Variants in TRIM35 observed in about 807,000 individuals in gnomAD.
TRIM35 encodes tripartite motif containing 35.
A neutral mutation model predicts 49.1 loss-of-function variants in TRIM35; 37 were observed. The observed-to-expected ratio is 0.75, with a 90% CI of 0.58 to 0.99. TRIM35 has a LOEUF of 0.99. Among genes scored for constraint, TRIM35 ranks in the 50% least tolerant of loss-of-function variants. The probability of loss-of-function intolerance (pLI) is 0.00; values close to 1 mark genes in which losing one functional copy is unlikely to be tolerated. For synonymous variants in TRIM35, 302 were observed against 289.3 expected (o/e 1.04, Z -0.45); for missense variants, 648 against 702.7 (o/e 0.92, Z 0.88).
chr8:27,287,613 C>G lies in TRIM35; in HGVS notation c.1419G>C (p.Gly473=). Residue 473 remains glycine, a synonymous_variant, in exon 6 of 6, where the codon GGG becomes GGC. Transcript: ENST00000305364. This position sits in a 1 kb window ranked among gnomAD's most constrained non-coding sequence, Gnocchi z 6.0. ...YFYLGGARGA[G]PPEPLRICPL... is the part of the protein sequence containing the mutation. The stretch of plus-strand genomic sequence containing the variant: ...GGCAGATGCGCAAAGGCTCTGGAGG[C>G]CCGGCGCCCCGTGCACCCCCCAGGT... The G allele has an allele frequency of 6.2e-7, 1 of 1,606,302 alleles. No individual in the cohort carries two copies. Among genetic ancestry groups the G allele is most frequent in the Non-Finnish European group, 8.5e-7 (1 of 1,176,294 alleles).
At chr8:27,289,946 C>G (rs887612108) in intron 4 of TRIM35, among the ~76,000 whole-genome samples, 1 of 152,210 alleles carries the variant, frequency 6.6e-6, no homozygotes, top group South Asian at 2.1e-4. Flanking sequence ...GAGAACAACA[C>G]TGCCCCAGAG....
In TRIM35 at chr8:27,298,569, GA is replaced by G; in HGVS notation, c.436-11del. ...TGTTCCTGCACTTGGCCTGACATGGGAATGAGAGAGAGGGAGGAAGACAGGT... is the reference window on the plus strand; with the variant it reads ...TGTTCCTGCACTTGGCCTGACATGGGATGAGAGAGAGGGAGGAAGACAGGT... On this transcript the variant is annotated splice_polypyrimidine_tract_variant and intron_variant, in intron 1 of 5. Coordinates refer to ENST00000305364, the MANE Select transcript of TRIM35 (RefSeq NM_171982.5). The G allele has an allele frequency of 1.2e-6, 2 of 1,612,290 alleles. No individual in the cohort carries two copies. Among genetic ancestry groups the G allele is most frequent in the Non-Finnish European group, 1.7e-6 (2 of 1,178,288 alleles).
At chr8:27,292,847 A>G (rs1802482673) in intron 3 of TRIM35, among the ~76,000 whole-genome samples, 1 of 152,190 alleles carries the variant, frequency 6.6e-6, no homozygotes, top group Admixed American at 6.5e-5. Flanking sequence ...TGTAAATTAT[A>G]TCTCAATAAA....
In TRIM35 at chr8:27,298,566, T is replaced by C. The variant is rs1563441909; in HGVS notation, c.436-7A>G. 4 of 1,613,386 alleles carry C rather than the reference T, an allele frequency of 2.5e-6. No homozygotes were observed. The highest frequency in any genetic ancestry group is 2.2e-5 in the East Asian group (1 of 44,878). The stretch of plus-strand genomic sequence containing the variant: ...CCATGTTCCTGCACTTGGCCTGACA[T>C]GGGAATGAGAGAGAGGGAGGAAGAC... On this transcript the variant is annotated splice_region_variant and splice_polypyrimidine_tract_variant and intron_variant, in intron 1 of 5. Transcript: ENST00000305364.
At chr8:27,309,353 T>C (rs536002757) in intron 1 of TRIM35, among the ~76,000 whole-genome samples, 1 of 152,306 alleles carries the variant, frequency 6.6e-6, no homozygotes, top group Non-Finnish European at 1.5e-5. Flanking sequence ...AGGAAAAGCA[T>C]TGACATGGAC....
rs1201689248 is a variant in TRIM35 at position 27,303,207 on chromosome 8, G to A, written c.436-4648C>T. On this transcript the variant is annotated intron_variant, in intron 1 of 5. Coordinates refer to ENST00000305364, the MANE Select transcript of TRIM35 (RefSeq NM_171982.5). ...ATTAAGCAACACAGAATTAGGTTTC[G>A]TTTTCTTATCCAGTCAGATCAACAT... is the stretch of plus-strand genomic sequence containing the variant. Among the ~76,000 whole-genome samples, 12 of 151,940 alleles carry A rather than the reference G, an allele frequency of 7.9e-5. No individual in the cohort carries two copies. In the East Asian group the frequency reaches 1.4e-3, roughly 17 times the overall value.
chr8:27,300,368 A>C (rs1157478683), intron 1 of TRIM35, among the ~76,000 whole-genome samples: 2 of 151,852 alleles, frequency 1.3e-5, no homozygotes, highest in Non-Finnish European at 2.9e-5. Context: ...TAAGGCACTA[A>C]GTTTTGGGCA....
intron 4 of TRIM35, 99 bp downstream of exon 4, chr8:27,290,057 C>G: frequency 7.2e-7 from 1 of 1,388,206 alleles, no homozygotes; most frequent in East Asian, 2.3e-5. Context: ...CTGGTGCACC[C>G]AGCTGGTTGT....
In TRIM35 at chr8:27,287,502, G is replaced by A. The variant is rs1563435438; in HGVS notation, c.*48C>T. The A allele has an allele frequency of 1.3e-6, 2 of 1,489,396 alleles. No homozygotes were observed. The highest frequency in any genetic ancestry group is 1.8e-6 in the Non-Finnish European group (2 of 1,116,280). The allele number at this position is 1,489,396 out of a possible 1,614,324, so 92.3% of individuals were successfully genotyped here. A position where few individuals can be genotyped will look rare whatever the true frequency, so the allele number is the denominator to read the frequency against. On this transcript the variant is annotated 3_prime_UTR_variant, in exon 6 of 6. Coordinates refer to ENST00000305364, the MANE Select transcript of TRIM35 (RefSeq NM_171982.5). The surrounding 1 kb of genome is among the most constrained non-coding windows in gnomAD (Gnocchi z 6.0). The stretch of plus-strand genomic sequence containing the variant: ...CAGTGTGGGCATTAGGAAGAGGGCA[G>A]AAAGAAAACAGTGCTGTGGCACAAG...
rs1200829919 is a variant in TRIM35, at chr8:27,287,679, G to A, written c.1353C>T (p.Tyr451=). 5 of 1,610,322 alleles carry A rather than the reference G, an allele frequency of 3.1e-6. No individual in the cohort carries two copies. In the Admixed American group the frequency reaches 8.4e-5, roughly 27 times the overall value. ...FYDAERHCHL[Y]TFHARFGEVR... Reference sequence around the variant, plus strand: ...CCTCCCCAAAGCGGGCGTGGAAGGTGTACAGGTGGCAGTGGCGCTCCGCGT... The same window carrying A: ...CCTCCCCAAAGCGGGCGTGGAAGGTATACAGGTGGCAGTGGCGCTCCGCGT... The change falls in exon 6 of 6, where the codon TAC becomes TAT. Residue 451 remains tyrosine (Y), a synonymous_variant. Coordinates refer to ENST00000305364, the MANE Select transcript of TRIM35 (RefSeq NM_171982.5). The surrounding 1 kb of genome is among the most constrained non-coding windows in gnomAD (Gnocchi z 6.0).
chr8:27,289,678 G>A (rs1375248312), intron 4 of TRIM35, among the ~76,000 whole-genome samples: 1 of 152,162 alleles, frequency 6.6e-6, no homozygotes, highest in South Asian at 2.1e-4. Flanking sequence ...CTGCCAGTGG[G>A]AAGTGAGCAC....
At chr8:27,295,687 A>G (rs940176898) in intron 2 of TRIM35, among the ~76,000 whole-genome samples, 2 of 152,210 alleles carry the variant, frequency 1.3e-5, no homozygotes, top group African/African-American at 4.8e-5. Flanking sequence ...GAATGGTTGT[A>G]TGGGTACTCA....
chr8:27,298,353 C>T, intron 2 of TRIM35, 111 bp downstream of exon 2: 1 of 990,012 alleles, frequency 1.0e-6, no homozygotes, highest in African/African-American at 1.6e-5. Context: ...AGGCAGCCGA[C>T]CTCTACCCAG....
intron 1 of TRIM35, among the ~76,000 whole-genome samples, chr8:27,310,382 C>T (rs1441901502): frequency 1.3e-5 from 2 of 152,198 alleles, no homozygotes; most frequent in Non-Finnish European, 2.9e-5. Flanking sequence ...TCTTAAGACT[C>T]CACACCCCTG....
At chr8:27,294,515 G>A (rs1295207984) in intron 2 of TRIM35, among the ~76,000 whole-genome samples, 1 of 152,208 alleles carries the variant, frequency 6.6e-6, no homozygotes, top group African/African-American at 2.4e-5. Flanking sequence ...CCTAATATTA[G>A]ATTGTTTTGA....
intron 1 of TRIM35, among the ~76,000 whole-genome samples, chr8:27,301,625 G>A (rs1161383190): frequency 1.3e-5 from 2 of 152,182 alleles, no homozygotes; most frequent in Admixed American, 1.3e-4. Flanking sequence ...AGTTAGAGGT[G>A]TAATGAATAT....
chr8:27,311,092 G>T lies in TRIM35; in HGVS notation c.144C>A (p.Cys48Ter), dbSNP rs1327558862. The T allele has an allele frequency of 6.3e-7, 1 of 1,597,798 alleles. No individual in the cohort carries two copies. The highest frequency in any genetic ancestry group is 2.3e-5 in the East Asian group (1 of 44,192). The change falls in exon 1 of 6, where the codon TGC becomes TGA. Residue 48 changes from cysteine to a stop codon, truncating the protein, a stop_gained. Transcript: ENST00000305364. LOFTEE classifies it high-confidence loss of function. The part of the protein sequence containing the change: ...HNFCRGCVSR[C>*]WEVQVSPTCP... ...AGGTGGGCGACACCTGCACCTCCCAGCAGCGGCTCACGCACCCGCGGCAGA... is the reference window on the plus strand; with the variant it reads ...AGGTGGGCGACACCTGCACCTCCCATCAGCGGCTCACGCACCCGCGGCAGA...
At chr8:27,289,307 G>A (rs1392877595) in intron 4 of TRIM35, 27 bp from the exon 5 acceptor site, 1 of 1,597,144 alleles carries the variant, frequency 6.3e-7, no homozygotes, top group East Asian at 2.2e-5. Context: ...GGTATGGTGG[G>A]CAGGGCCAGA....
At position 27,286,097 on chromosome 8, in the gene TRIM35, T is replaced by C. The variant is rs759157646; in HGVS notation, c.*1453A>G. 2 of 456,332 alleles carry C rather than the reference T, an allele frequency of 4.4e-6. No individual in the cohort carries two copies. The highest frequency in any genetic ancestry group is 3.1e-5 in the South Asian group (2 of 64,570). The allele number at this position is 456,332 out of a possible 1,614,324, so 28.3% of individuals were successfully genotyped here. A position where few individuals can be genotyped will look rare whatever the true frequency, so the allele number is the denominator to read the frequency against. On this transcript the variant is annotated 3_prime_UTR_variant, in exon 6 of 6. Coordinates refer to ENST00000305364, the MANE Select transcript of TRIM35 (RefSeq NM_171982.5). Reference sequence around the variant, plus strand: ...AGGGGATGGGCAGAAGGCAGGATGCTGTCCTTGGTCAGGAATGTGACCCAG... The same window carrying C: ...AGGGGATGGGCAGAAGGCAGGATGCCGTCCTTGGTCAGGAATGTGACCCAG...
Sources: gnomAD v4.1 joint callset for allele counts (sites outside exome capture counted in the v4.1 genomes callset) on GRCh38, gnomAD v4.1.1 for gene constraint, Gnocchi (gnomAD v3.1) non-coding constraint, MANE v1.5 for transcripts, NCBI Gene and HGNC (gene_info 2026-07-23, HGNC 2026-07-21) for gene names.